HHLA1: variants seen among roughly 807,000 people sequenced by gnomAD.
HHLA1 encodes the protein HHLA1 neighbor of OC90.
Under a neutral mutation model 69.9 loss-of-function variants are expected in HHLA1, and 72 were observed. That is an observed-to-expected ratio of 1.03 (90% CI 0.85 to 1.25). HHLA1 has a LOEUF of 1.25. Among genes scored for constraint, HHLA1 ranks in the 50% most tolerant of loss-of-function variants. HHLA1 has a pLI of 0.00. For synonymous variants in HHLA1, 252 were observed against 233.2 expected (o/e 1.08, Z -0.73); for missense variants, 685 against 642.2 (o/e 1.07, Z -0.72).
At chr8:132,072,765 G>A (rs1823569219) in intron 14 of HHLA1, among the ~76,000 whole-genome samples, 1 of 152,150 alleles carries the variant, frequency 6.6e-6, no homozygotes, top group African/African-American at 2.4e-5. Context: ...TATTGAATAG[G>A]TGATTTTACA....
intron 7 of HHLA1, among the ~76,000 whole-genome samples, chr8:132,093,432 T>G (rs1291696664): frequency 6.6e-6 from 1 of 151,190 alleles, no homozygotes; most frequent in African/African-American, 2.4e-5. Context: ...TAGATCAGAG[T>G]TGAAAACATT....
chr8:132,076,329 G>T, intron 13 of HHLA1, 146 bp downstream of exon 13: 1 of 707,540 alleles, frequency 1.4e-6, no homozygotes, highest in Non-Finnish European at 2.4e-6. Flanking sequence ...CAGTTCTCCT[G>T]ACTCTTTTCC....
chr8:132,092,539 G>A lies in HHLA1; in HGVS notation c.449-2940C>T, dbSNP rs117814289. Reference sequence around the variant, plus strand: ...CTTGGTGCTGTTCTCATGATAGTGAGTGAGTTATTGTGAGATCTGCTTGTT... The same window carrying A: ...CTTGGTGCTGTTCTCATGATAGTGAATGAGTTATTGTGAGATCTGCTTGTT... On this transcript the variant is annotated intron_variant, in intron 7 of 16. Coordinates refer to ENST00000414222, the MANE Select transcript of HHLA1 (RefSeq NM_001145095.3). Among the ~76,000 whole-genome samples, 65 of 152,292 alleles carry A rather than the reference G, an allele frequency of 4.3e-4. 1 individual carries two copies. The East Asian group carries it at 0.011, about 26-fold the overall frequency.
rs918587949 is a variant in HHLA1, at chr8:132,105,331, G to T, written c.-21-45C>A. ...CACTTAGGAAACTAAGCACATGGAT[G>T]CAGACCTTCCTTTGAGAACAGTGCG... On this transcript the variant is annotated intron_variant, in intron 1 of 16. Transcript: ENST00000414222. 116 of 1,203,758 alleles carry T rather than the reference G, an allele frequency of 9.6e-5. 2 individuals carry two copies. The highest frequency in any genetic ancestry group is 2.0e-5 in the Admixed American group (1 of 50,588). The allele number at this position is 1,203,758 out of a possible 1,614,324, so 74.6% of individuals were successfully genotyped here.
chr8:132,108,964 A>C (rs913575333), intron 1 of HHLA1, among the ~76,000 whole-genome samples: 1 of 152,192 alleles, frequency 6.6e-6, no homozygotes, highest in Non-Finnish European at 1.5e-5. Flanking sequence ...AAAGTGATAT[A>C]TAAGTCCCCA....
chr8:132,078,013 G>GT, intron 11 of HHLA1, 42 bp from the exon 12 acceptor site: 1 of 1,541,418 alleles, frequency 6.5e-7, no homozygotes, highest in Non-Finnish European at 8.8e-7. Flanking sequence ...AGACATGCTT[G>GT]ACCACTTCGA....
chr8:132,079,565 C>G (rs151148329), intron 11 of HHLA1, among the ~76,000 whole-genome samples, 153 bp downstream of exon 11: 1 of 152,140 alleles, frequency 6.6e-6, no homozygotes, highest in Non-Finnish European at 1.5e-5. Flanking sequence ...GAACCCATAC[C>G]GGCTCATACA....
intron 8 of HHLA1, 78 bp from the exon 9 acceptor site, chr8:132,087,979 G>C: frequency 1.8e-6 from 2 of 1,094,548 alleles, no homozygotes; most frequent in Non-Finnish European, 2.7e-6. Flanking sequence ...TGAAAATTAA[G>C]TTGAAAGTAC....
At chr8:132,071,311 T>C (rs538111970) in intron 15 of HHLA1, 29 bp downstream of exon 15, 13 of 1,539,176 alleles carry the variant, frequency 8.4e-6, no homozygotes, top group Middle Eastern at 1.7e-4. Context: ...AAATATTCCA[T>C]GTGAAAAGAA....
At chr8:132,104,212 A>G (rs1256819332) in intron 2 of HHLA1, 45 bp from the exon 3 acceptor site, 1 of 1,345,160 alleles carries the variant, frequency 7.4e-7, no homozygotes, top group South Asian at 1.3e-5. Context: ...ACCAAGACAT[A>G]ATACCGGAGA....
At position 132,079,901 on chromosome 8, in the gene HHLA1, T is replaced by C; in HGVS notation, c.742A>G (p.Ser248Gly). 1 of 1,552,248 alleles carries C rather than the reference T, an allele frequency of 6.4e-7. No homozygotes were observed. Among genetic ancestry groups the C allele is most frequent in the South Asian group, 1.2e-5 (1 of 84,058 alleles). ...TGGGTCCAGTGTCCGGGGCTTGTAC[T>C]TGGTAGTGTTTTCTGGCTTTTGGTT... The part of the protein sequence containing the change: ...PTTKSQKTLP[S>G]TSPGHWTQST... The change falls in exon 11 of 17, where the codon AGT (serine) becomes GGT (glycine). Residue 248 changes from serine to glycine, a missense_variant. Physicochemically the swap from Ser to Gly is moderately conservative, Grantham distance 56. Transcript: ENST00000414222.
At chr8:132,080,283 G>A in intron 10 of HHLA1, 1 of 394,430 alleles carries the variant, frequency 2.5e-6, no homozygotes, top group South Asian at 2.0e-5. Flanking sequence ...CTTTGTGTGA[G>A]CAATAAAGCT....
intron 10 of HHLA1, among the ~76,000 whole-genome samples, chr8:132,083,060 A>T (rs1027372648): frequency 6.6e-6 from 1 of 151,640 alleles, no homozygotes; most frequent in Admixed American, 6.6e-5. Context: ...GAGGGAGTAG[A>T]GGTATCTTAT....
At position 132,065,976 on chromosome 8, in the gene HHLA1, T is replaced by C; in HGVS notation, c.1470-8A>G. The stretch of plus-strand genomic sequence containing the variant: ...TAGTATTCAAGACAGTATCTAAAGA[T>C]TTAAATCAGAGCAGGGAGCAATAAC... On this transcript the variant is annotated splice_polypyrimidine_tract_variant and splice_region_variant and intron_variant, in intron 15 of 16. Coordinates refer to ENST00000414222, the MANE Select transcript of HHLA1 (RefSeq NM_001145095.3). 2 of 1,239,790 alleles carry C rather than the reference T, an allele frequency of 1.6e-6. No homozygotes were observed. The highest frequency in any genetic ancestry group is 2.2e-6 in the Non-Finnish European group (2 of 929,124). 76.8% of individuals were successfully genotyped at this position (1,239,790 alleles called of 1,614,324 possible). A position where few individuals can be genotyped will look rare whatever the true frequency, so the allele number is the denominator to read the frequency against.
chr8:132,068,759 G>A (rs1473573819), intron 15 of HHLA1, among the ~76,000 whole-genome samples: 1 of 152,182 alleles, frequency 6.6e-6, no homozygotes, highest in Non-Finnish European at 1.5e-5. Context: ...ACACTTCACT[G>A]GGGCCTGAGG....
intron 11 of HHLA1, among the ~76,000 whole-genome samples, chr8:132,079,178 G>A (rs1823696388): frequency 6.6e-6 from 1 of 152,172 alleles, no homozygotes; most frequent in South Asian, 2.1e-4. Flanking sequence ...GGGGAGGCAG[G>A]GGCCTCCTGC....
At chr8:132,102,015 GC>G (rs1199466161) in intron 3 of HHLA1, among the ~76,000 whole-genome samples, 2 of 152,134 alleles carry the variant, frequency 1.3e-5, no homozygotes, top group Non-Finnish European at 2.9e-5. Flanking sequence ...CCTCTCCTAA[GC>G]CCCTGGTGAG....
At chr8:132,070,384 G>C in intron 15 of HHLA1, 1 of 701,952 alleles carries the variant, frequency 1.4e-6, no homozygotes, top group South Asian at 1.5e-5. Context: ...GAAAGAACTG[G>C]AATTTAGATA....
intron 3 of HHLA1, 151 bp downstream of exon 3, chr8:132,103,957 T>C: frequency 1.7e-6 from 1 of 599,544 alleles, no homozygotes; most frequent in East Asian, 2.8e-5. Flanking sequence ...CATAAAGAAA[T>C]GAGTAGCTCA....
Sources: gnomAD v4.1 joint callset for allele counts (sites outside exome capture counted in the v4.1 genomes callset) on GRCh38, gnomAD v4.1.1 for gene constraint, MANE v1.5 for transcripts, NCBI Gene and HGNC (gene_info 2026-07-23, HGNC 2026-07-21) for gene names.